GRIP2: variants seen among roughly 807,000 people sequenced by gnomAD.
The protein encoded by GRIP2 is glutamate receptor interacting protein 2, also known as glutamate receptor-interacting protein 2.
Under a neutral mutation model 108.3 loss-of-function variants are expected in GRIP2, and 58 were observed. The observed-to-expected ratio is 0.54, with a 90% CI of 0.43 to 0.67. GRIP2 has a LOEUF of 0.67. Among genes scored for constraint, GRIP2 ranks in the 30% least tolerant of loss-of-function variants. The pLI, the probability that GRIP2 is intolerant of heterozygous loss-of-function variation, is 0.00. For missense variants in GRIP2, 1,278 were observed against 1,430.6 expected, an observed-to-expected ratio of 0.89 and a Z score of 1.72; for synonymous variants, 586 against 598.2, an observed-to-expected ratio of 0.98 and a Z score of 0.30.
the GRIP2 span, among the ~76,000 whole-genome samples, chr3:14,597,376 T>A: frequency 1.3e-5 from 2 of 152,292 alleles, no homozygotes; most frequent in East Asian, 3.9e-4. Flanking sequence ...AGAAGGCTCA[T>A]GCATGGCATG....
At chr3:14,564,627 G>C in the GRIP2 span, among the ~76,000 whole-genome samples, 1 of 152,236 alleles carries the variant, frequency 6.6e-6, no homozygotes, top group African/African-American at 2.4e-5. Flanking sequence ...CGTGGGACCT[G>C]ACTTAAAATT....
Position 14,507,550 on chromosome 3 carries a change from G to T in GRIP2, c.2218+11C>A. On this transcript the variant is annotated intron_variant, in intron 18 of 23. Coordinates refer to ENST00000621039, the MANE Select transcript of GRIP2 (RefSeq NM_001080423.4). This position sits in a 1 kb window ranked among gnomAD's most constrained non-coding sequence, Gnocchi z 4.6. Reference sequence around the variant, plus strand: ...TGCTGGGTGGCTCCCAGGGGATGAAGCGAATCTCACGGTCTAGTTGCTTCT... The same window carrying T: ...TGCTGGGTGGCTCCCAGGGGATGAATCGAATCTCACGGTCTAGTTGCTTCT... 6.2e-7 allele frequency: 1 copy of T among 1,611,360 alleles called. No homozygotes were observed. Among genetic ancestry groups the T allele is most frequent in the South Asian group, 1.1e-5 (1 of 91,052 alleles).
rs1701349635 is a variant in GRIP2, at chr3:14,492,069, C to T, written c.*1596G>A. 2 of 152,308 alleles carry T rather than the reference C, an allele frequency of 1.3e-5. No individual in the cohort carries two copies. The highest frequency in any genetic ancestry group is 4.8e-5 in the African/African-American group (2 of 41,444). The allele number at this position is 152,308 out of a possible 1,614,324, so 9.4% of individuals were successfully genotyped here. A position where few individuals can be genotyped will look rare whatever the true frequency, so the allele number is the denominator to read the frequency against. ...AGCGTGGGCAGGTCCCCAAGGGGGC[C>T]TTGGTGGGTCGGCAGAGATGGTTCC... On this transcript the variant is annotated 3_prime_UTR_variant, in exon 24 of 24. Coordinates refer to ENST00000621039, the MANE Select transcript of GRIP2 (RefSeq NM_001080423.4).
At chr3:14,601,442 T>C in the GRIP2 span, among the ~76,000 whole-genome samples, 1 of 152,084 alleles carries the variant, frequency 6.6e-6, no homozygotes, top group East Asian at 1.9e-4. Flanking sequence ...TTGGCAGCCC[T>C]TCTCCCCTGC....
At chr3:14,493,847 G>A (rs1246933162) in intron 23 of GRIP2, 21 bp from the exon 24 acceptor site, 3 of 1,599,964 alleles carry the variant, frequency 1.9e-6, no homozygotes, top group Non-Finnish European at 2.6e-6. Context: ...CACAAGCAAG[G>A]GAACAGAACC....
chr3:14,555,581 A>C (rs1695224989), intron 1 of GRIP2, among the ~76,000 whole-genome samples: 1 of 151,776 alleles, frequency 6.6e-6, no homozygotes. Context: ...AGAGACCCAG[A>C]GGCCAGACAG....
In GRIP2 at chr3:14,511,193, C is replaced by T. The variant is rs1694079414; in HGVS notation, c.1905G>A (p.Leu635=). 2 of 1,613,876 alleles carry T rather than the reference C, an allele frequency of 1.2e-6. No individual in the cohort carries two copies. The highest frequency in any genetic ancestry group is 2.7e-5 in the African/African-American group (2 of 74,932). ...AGTTGTCCTCGTCCTTCCGGATCTT[C>T]AGCTTCACCAGGTCCTCGCACTGCC... The part of the protein sequence containing the change: ...ILRQCEDLVK[L]KIRKDEDNSD... Residue 635 remains leucine, a synonymous_variant, in exon 16 of 24, where the codon CTG becomes CTA. Coordinates refer to ENST00000621039, the MANE Select transcript of GRIP2 (RefSeq NM_001080423.4). This position sits in a 1 kb window ranked among gnomAD's most constrained non-coding sequence, Gnocchi z 4.1.
At chr3:14,574,237 G>T in the GRIP2 span, 2 of 869,706 alleles carry the variant, frequency 2.3e-6, no homozygotes, top group South Asian at 1.4e-5. Flanking sequence ...TCGATCTGTC[G>T]CTTGACGAAG....
At chr3:14,558,321 G>A (rs1046520856), upstream of GRIP2, among the ~76,000 whole-genome samples, 3 of 152,214 alleles carry the variant, frequency 2.0e-5, no homozygotes, top group Non-Finnish European at 4.4e-5. Flanking sequence ...GGGCCAGGCT[G>A]TGGGCCGAGC....
chr3:14,602,568 C>A, the GRIP2 span, among the ~76,000 whole-genome samples: 1 of 151,652 alleles, frequency 6.6e-6, no homozygotes, highest in Non-Finnish European at 1.5e-5. This position sits in a 1 kb window ranked among gnomAD's most constrained non-coding sequence, Gnocchi z 4.7. Flanking sequence ...GCCAGGGCTC[C>A]CTCCAGGAGC....
At chr3:14,524,099 G>A (rs1694486718) in intron 4 of GRIP2, 1 of 524,900 alleles carries the variant, frequency 1.9e-6, no homozygotes, top group Admixed American at 3.4e-5. Context: ...GGCGTGGTAG[G>A]TCAGGGAACG....
chr3:14,575,500 C>T, the GRIP2 span, among the ~76,000 whole-genome samples: 1 of 152,208 alleles, frequency 6.6e-6, no homozygotes, highest in South Asian at 2.1e-4. Flanking sequence ...CAGCAAGCCC[C>T]CAGCATAGCA....
the GRIP2 span, among the ~76,000 whole-genome samples, chr3:14,593,118 C>T: frequency 1.3e-5 from 2 of 152,240 alleles, no homozygotes; most frequent in African/African-American, 2.4e-5. Flanking sequence ...CCAGCCTGGC[C>T]TGGATTTTCC....
the GRIP2 span, among the ~76,000 whole-genome samples, chr3:14,583,531 CGGGAGGCTGGGAGGCT>C: frequency 1.3e-5 from 2 of 152,104 alleles, no homozygotes; most frequent in Admixed American, 6.5e-5. Context: ...GCTGGCAGGC[CGGGAGGCTGGGAGGCT>C]GGGAGGCTGG....
chr3:14,557,734 C>T (rs1396462058), upstream of GRIP2, among the ~76,000 whole-genome samples: 1 of 152,238 alleles, frequency 6.6e-6, no homozygotes, highest in Non-Finnish European at 1.5e-5. Context: ...AGTTGAGAGG[C>T]GTGAGCCTCT....
the GRIP2 span, among the ~76,000 whole-genome samples, chr3:14,562,721 C>T: frequency 3.0e-3 from 97 of 32,266 alleles, 2 homozygotes; most frequent in Non-Finnish European, 2.0e-3. Context: ...ATGAGGCAGA[C>T]GGTCCTCGGA....
At chr3:14,541,153 A>G (rs2124962559), upstream of GRIP2, among the ~76,000 whole-genome samples, 1 of 152,364 alleles carries the variant, frequency 6.6e-6, no homozygotes, top group Admixed American at 6.5e-5. Flanking sequence ...GCTGATCTTA[A>G]TGGACACCTG....
At chr3:14,557,070 C>G (rs1436867199), upstream of GRIP2, among the ~76,000 whole-genome samples, 1 of 152,250 alleles carries the variant, frequency 6.6e-6, no homozygotes, top group African/African-American at 2.4e-5. Context: ...GCCTGTGAAC[C>G]AGCAGTGAGA....
Position 14,512,709 on chromosome 3 carries a change from T to A in GRIP2, c.1720+68A>T. The A allele has an allele frequency of 1.4e-6, 2 of 1,461,990 alleles. No individual in the cohort carries two copies. The highest frequency in any genetic ancestry group is 1.9e-6 in the Non-Finnish European group (2 of 1,050,530). The allele number at this position is 1,461,990 out of a possible 1,614,324, so 90.6% of individuals were successfully genotyped here. A position where few individuals can be genotyped will look rare whatever the true frequency, so the allele number is the denominator to read the frequency against. ...CGCCATGGAAATGCTGGTCTGAGCT[T>A]GGCAAGCTCTTTTTCCCCAGCAGTT... is the stretch of plus-strand genomic sequence containing the variant. On this transcript the variant is annotated intron_variant, in intron 14 of 23. Coordinates refer to ENST00000621039, the MANE Select transcript of GRIP2 (RefSeq NM_001080423.4). The surrounding 1 kb of genome is among the most constrained non-coding windows in gnomAD (Gnocchi z 5.1).
Sources: allele counts gnomAD v4.1 joint callset (sites outside exome capture counted in the v4.1 genomes callset), GRCh38; gene constraint gnomAD v4.1.1; non-coding constraint Gnocchi (gnomAD v3.1); transcripts MANE v1.5; gene names NCBI Gene and HGNC (gene_info 2026-07-23, HGNC 2026-07-21).